The following LHFPL2 variants were observed in gnomAD, a reference collection of about 807,000 sequenced individuals.
LHFPL2 encodes LHFPL tetraspan subfamily member 2 protein.
LHFPL2 carries 7 observed loss-of-function variants against 17.5 expected under a neutral mutation model. The observed-to-expected ratio is 0.40, with a 90% confidence interval of 0.23 to 0.75. The LOEUF is 0.75. Among genes scored for constraint, LHFPL2 ranks in the 30% least tolerant of loss-of-function variants. The pLI, the probability that LHFPL2 is intolerant of heterozygous loss-of-function variation, is 0.37. For missense variants in LHFPL2, 241 were observed against 294.8 expected (o/e 0.82, Z 1.34); for synonymous variants, 134 against 116.2 (o/e 1.15, Z -0.99).
At chr5:78,617,531 AC>A (rs1260306843) in intron 2 of LHFPL2, among the ~76,000 whole-genome samples, 1 of 151,902 alleles carries the variant, frequency 6.6e-6, no homozygotes, top group East Asian at 1.9e-4. Flanking sequence ...ATACTTTAAC[AC>A]TGTTCACCTC....
chr5:78,581,850 G>C (rs777494790), intron 2 of LHFPL2, among the ~76,000 whole-genome samples: 2 of 152,214 alleles, frequency 1.3e-5, no homozygotes, highest in Non-Finnish European at 2.9e-5. Flanking sequence ...GATTGGAATA[G>C]TTTCAGAAGG....
At chr5:78,639,502 G>A (rs898979912) in intron 1 of LHFPL2, among the ~76,000 whole-genome samples, 2 of 152,152 alleles carry the variant, frequency 1.3e-5, no homozygotes, top group Non-Finnish European at 2.9e-5. Context: ...AATTAAGTCG[G>A]TAATTATGAG....
In LHFPL2 at chr5:78,488,947, T is replaced by G. The variant is rs1365052283; in HGVS notation, c.637A>C (p.Lys213Gln). 3 of 1,613,994 alleles carry G rather than the reference T, an allele frequency of 1.9e-6. No individual in the cohort carries two copies. Among genetic ancestry groups the G allele is most frequent in the Non-Finnish European group, 2.5e-6 (3 of 1,179,978 alleles). The change falls in exon 5 of 5, where the codon AAA (lysine) becomes CAA (glutamine). Residue 213 changes from lysine (K) to glutamine (Q), a missense_variant. Transcript: ENST00000380345. ...AQAEIATSSDKVQEEIEEGKN... is the reference protein window; with the variant it reads ...AQAEIATSSDQVQEEIEEGKN... ...CCCTCTTCAATTTCTTCCTGTACTT[T>G]GTCACTAGAGGTTGCAATTTCTGCT...
At chr5:78,508,005 G>C (rs1178415322) in intron 4 of LHFPL2, among the ~76,000 whole-genome samples, 1 of 151,378 alleles carries the variant, frequency 6.6e-6, no homozygotes, top group East Asian at 1.9e-4. Flanking sequence ...TGTCCAAGGA[G>C]AATAAAGCAG....
At chr5:78,514,755 G>T (rs1209280220) in intron 3 of LHFPL2, among the ~76,000 whole-genome samples, 1 of 152,192 alleles carries the variant, frequency 6.6e-6, no homozygotes, top group Non-Finnish European at 1.5e-5. Flanking sequence ...GATGGGAACA[G>T]CACACCCAAA....
chr5:78,519,269 T>G (rs1009652161), intron 3 of LHFPL2, among the ~76,000 whole-genome samples: 1 of 152,176 alleles, frequency 6.6e-6, no homozygotes, highest in Non-Finnish European at 1.5e-5. Flanking sequence ...TGACAGATAC[T>G]TCTTTGAGGT....
chr5:78,511,887 C>T (rs142846381), intron 3 of LHFPL2, among the ~76,000 whole-genome samples: 1 of 152,270 alleles, frequency 6.6e-6, no homozygotes, highest in East Asian at 1.9e-4. Flanking sequence ...TGTCACAGCG[C>T]TGTGCCAAGC....
chr5:78,569,539 A>G (rs943575494), intron 2 of LHFPL2, among the ~76,000 whole-genome samples: 17 of 152,184 alleles, frequency 1.1e-4, no homozygotes, highest in African/African-American at 4.1e-4. Context: ...ACTACCTCAC[A>G]ATTGTGTCTG....
chr5:78,500,538 TC>T (rs1754742977), intron 4 of LHFPL2, among the ~76,000 whole-genome samples: 1 of 152,158 alleles, frequency 6.6e-6, no homozygotes, highest in African/African-American at 2.4e-5. Context: ...GAGTTCTGGT[TC>T]TGTACCCTAC....
chr5:78,537,337 A>G (rs1346769418), intron 3 of LHFPL2, among the ~76,000 whole-genome samples: 1 of 152,156 alleles, frequency 6.6e-6, no homozygotes, highest in Non-Finnish European at 1.5e-5. Context: ...TTTGTCCCAG[A>G]TGGTTAGAAA....
chr5:78,597,540 T>G (rs548850186), intron 2 of LHFPL2, among the ~76,000 whole-genome samples: 8 of 152,328 alleles, frequency 5.3e-5, no homozygotes, highest in African/African-American at 1.7e-4. Context: ...GGGAGAGTGG[T>G]GAACTGACGT....
intron 2 of LHFPL2, among the ~76,000 whole-genome samples, chr5:78,581,153 G>C (rs1426601550): frequency 6.6e-6 from 1 of 152,126 alleles, no homozygotes; most frequent in Non-Finnish European, 1.5e-5. Flanking sequence ...CTGTTTGTCT[G>C]TTGTTGGTGT....
intron 4 of LHFPL2, among the ~76,000 whole-genome samples, chr5:78,498,189 G>A (rs1378119247): frequency 6.6e-6 from 1 of 152,188 alleles, no homozygotes; most frequent in East Asian, 1.9e-4. Context: ...AGCACTATGG[G>A]CAGAGGATGC....
At chr5:78,605,984 A>G (rs1744199576) in intron 2 of LHFPL2, among the ~76,000 whole-genome samples, 1 of 152,220 alleles carries the variant, frequency 6.6e-6, no homozygotes, top group Non-Finnish European at 1.5e-5. Flanking sequence ...AACTTCTCTA[A>G]TATGAGGACT....
intron 2 of LHFPL2, among the ~76,000 whole-genome samples, chr5:78,579,447 T>G (rs1742998751): frequency 6.6e-6 from 1 of 152,268 alleles, no homozygotes; most frequent in Middle Eastern, 3.4e-3. Flanking sequence ...ACCCACTAAC[T>G]CGTCATCTAG....
chr5:78,491,874 A>G (rs915050692), intron 4 of LHFPL2, among the ~76,000 whole-genome samples: 12 of 152,210 alleles, frequency 7.9e-5, no homozygotes, highest in African/African-American at 2.9e-4. Context: ...TTTGAGAAGT[A>G]TAATAATTTG....
chr5:78,489,171 A>T lies in LHFPL2; in HGVS notation c.431-18T>A, dbSNP rs1429885221. On this transcript the variant is annotated intron_variant, in intron 4 of 4. Coordinates refer to ENST00000380345, the MANE Select transcript of LHFPL2 (RefSeq NM_005779.3). ...GAATAGACCTGCAGAACAAAAGAGA[A>T]AACAGATTAGAAAATCCCCATGGTG... The T allele has an allele frequency of 1.9e-6, 3 of 1,612,810 alleles. No homozygotes were observed. In the African/African-American group the frequency reaches 4.0e-5, roughly 22 times the overall value.
At chr5:78,646,734 G>T (rs1193747450) in intron 1 of LHFPL2, among the ~76,000 whole-genome samples, 1 of 151,876 alleles carries the variant, frequency 6.6e-6, no homozygotes, top group Non-Finnish European at 1.5e-5. Flanking sequence ...CAAACACTGG[G>T]TGCCATCAAC....
intron 2 of LHFPL2, among the ~76,000 whole-genome samples, chr5:78,601,968 A>G (rs969746328): frequency 3.9e-5 from 6 of 152,194 alleles, no homozygotes; most frequent in African/African-American, 1.4e-4. Context: ...TAAAATAAAA[A>G]AATTAAAGAC....
Sources: gnomAD v4.1 joint callset for allele counts (sites outside exome capture counted in the v4.1 genomes callset) on GRCh38, gnomAD v4.1.1 for gene constraint, MANE v1.5 for transcripts, NCBI Gene and HGNC (gene_info 2026-07-23, HGNC 2026-07-21) for gene names.